The following NTRK3 variants were observed in gnomAD, a reference collection of about 807,000 sequenced individuals.
The protein encoded by NTRK3 is NT-3 growth factor receptor.
Under a neutral mutation model 91.7 loss-of-function variants are expected in NTRK3, and 24 were observed. That is an observed-to-expected ratio of 0.26 (90% CI 0.19 to 0.37). NTRK3 has a LOEUF of 0.37. Ranked by LOEUF, NTRK3 falls within the 10% of genes least tolerant of loss-of-function variation. The pLI is 1.00. For synonymous variants in NTRK3, 483 were observed against 404.0 expected, an observed-to-expected ratio of 1.20 and a Z score of -2.34; for missense variants, 880 against 1,068.9, an observed-to-expected ratio of 0.82 and a Z score of 2.46.
intron 17 of NTRK3, among the ~76,000 whole-genome samples, chr15:87,892,964 T>C (rs867474174): frequency 3.3e-5 from 5 of 152,252 alleles, no homozygotes; most frequent in African/African-American, 1.2e-4. Flanking sequence ...AAAGGAATGA[T>C]GTATTTTTAA....
At chr15:87,896,963 C>A (rs147394537) in intron 17 of NTRK3, among the ~76,000 whole-genome samples, 1 of 152,308 alleles carries the variant, frequency 6.6e-6, no homozygotes, top group Non-Finnish European at 1.5e-5. Context: ...AGGGAAAATG[C>A]AGCGAAAACT....
At chr15:87,892,087 C>CACACACAG (rs1371948888) in intron 17 of NTRK3, among the ~76,000 whole-genome samples, 1 of 149,790 alleles carries the variant, frequency 6.7e-6, no homozygotes, top group Non-Finnish European at 1.5e-5. Context: ...ATCCCCAACA[C>CACACACAG]ACACACACAC....
intron 15 of NTRK3, among the ~76,000 whole-genome samples, chr15:87,937,797 C>T (rs1212403301): frequency 6.6e-6 from 1 of 151,844 alleles, no homozygotes; most frequent in African/African-American, 2.4e-5. Context: ...ATTAAGGTAA[C>T]AAAATTAAGA....
chr15:87,899,271 A>T (rs935689336), intron 17 of NTRK3, among the ~76,000 whole-genome samples: 2 of 152,176 alleles, frequency 1.3e-5, no homozygotes, highest in Non-Finnish European at 2.9e-5. Context: ...AGTAATTTTC[A>T]AGTGTCTTGG....
At chr15:88,079,261 G>T (rs772991762) in intron 13 of NTRK3, among the ~76,000 whole-genome samples, 1 of 152,190 alleles carries the variant, frequency 6.6e-6, no homozygotes, top group Middle Eastern at 3.2e-3. Context: ...CATCAAAGAC[G>T]ATCAGCGTTT....
At chr15:87,906,333 A>G (rs1183833330) in intron 17 of NTRK3, among the ~76,000 whole-genome samples, 1 of 152,202 alleles carries the variant, frequency 6.6e-6, no homozygotes, top group Non-Finnish European at 1.5e-5. Context: ...CCGTTACCCC[A>G]CAGAAAGGCA....
intron 5 of NTRK3, among the ~76,000 whole-genome samples, chr15:88,176,907 A>G (rs975539766): frequency 1.3e-5 from 2 of 152,202 alleles, no homozygotes; most frequent in Admixed American, 6.5e-5. Context: ...AATGTGATCT[A>G]TTTGTAAGGA....
intron 13 of NTRK3, among the ~76,000 whole-genome samples, chr15:88,115,819 G>A (rs931688651): frequency 3.9e-5 from 6 of 152,182 alleles, no homozygotes; most frequent in Admixed American, 6.5e-5. Context: ...TGAGGCCGGC[G>A]GGCAGCCCGG....
intron 3 of NTRK3, among the ~76,000 whole-genome samples, chr15:88,218,575 A>G (rs2049985117): frequency 6.6e-6 from 1 of 152,226 alleles, no homozygotes; most frequent in African/African-American, 2.4e-5. Context: ...GGACGTGATG[A>G]TTCTGAGTTT....
chr15:87,987,309 A>T (rs897906849), intron 14 of NTRK3, among the ~76,000 whole-genome samples: 4 of 152,148 alleles, frequency 2.6e-5, no homozygotes, highest in Non-Finnish European at 4.4e-5. Context: ...CCCATATCAG[A>T]TATTTTTTCT....
At chr15:87,960,790 C>T (rs758242309) in intron 14 of NTRK3, among the ~76,000 whole-genome samples, 1 of 152,124 alleles carries the variant, frequency 6.6e-6, no homozygotes, top group African/African-American at 2.4e-5. Context: ...TGGCCTCCCC[C>T]ATCCTAATCA....
In NTRK3 at chr15:87,982,651, G is replaced by A. The variant is rs146054264; in HGVS notation, c.1586-41898C>T. 1.7e-3 allele frequency among the ~76,000 whole-genome samples: 259 copies of A among 152,306 alleles called. 1 individual carries two copies. The highest frequency in any genetic ancestry group is 6.0e-3 in the African/African-American group (250 of 41,582). On this transcript the variant is annotated intron_variant, in intron 14 of 18. Transcript: ENST00000394480. ...ACTGTAAATGGAGCTTAGGGGAGAA[G>A]GGGCATTGAGCACCCATACGATTGG...
intron 13 of NTRK3, among the ~76,000 whole-genome samples, chr15:88,103,756 T>A (rs893041179): frequency 1.3e-5 from 2 of 152,088 alleles, no homozygotes; most frequent in Non-Finnish European, 2.9e-5. Context: ...TTAAGGCATA[T>A]GGAAACCCCT....
Position 88,225,794 on chromosome 15 carries a change from G to A in NTRK3, c.248+30112C>T, listed in dbSNP as rs115482754. On this transcript the variant is annotated intron_variant, in intron 3 of 18. Transcript: ENST00000394480. ...GACAGCCCCGTACACCACACCTCAC[G>A]GCAGGCAGGAGGAGGGATGGGAGGA... Among the ~76,000 whole-genome samples, 312 of 152,264 alleles carry A rather than the reference G, an allele frequency of 2.0e-3. 1 individual carries two copies. The highest frequency in any genetic ancestry group is 7.1e-3 in the African/African-American group (295 of 41,550).
intron 14 of NTRK3, among the ~76,000 whole-genome samples, chr15:87,960,918 C>T (rs1286534069): frequency 6.6e-6 from 1 of 152,184 alleles, no homozygotes; most frequent in African/African-American, 2.4e-5. Context: ...CCAATCATTT[C>T]TCAAGCCTCA....
intron 17 of NTRK3, among the ~76,000 whole-genome samples, chr15:87,905,402 C>T (rs1426780207): frequency 1.1e-4 from 17 of 152,140 alleles, no homozygotes; most frequent in Non-Finnish European, 1.6e-4. Context: ...TTGCTTGAAA[C>T]ATAACCTTAT....
Position 88,255,795 on chromosome 15 carries a change from G to A in NTRK3, c.248+111C>T, listed in dbSNP as rs1040564863. ...GAGCCTGACGCGCGCCCAGCGGGCG[G>A]CGGGCAGCGGCGAGCTGGGGCGGGC... On this transcript the variant is annotated intron_variant, in intron 3 of 18. Transcript: ENST00000394480. This position sits in a 1 kb window ranked among gnomAD's most constrained non-coding sequence, Gnocchi z 4.3. 2.2e-6 allele frequency: 2 copies of A among 895,250 alleles called. No homozygotes were observed. The highest frequency in any genetic ancestry group is 3.0e-6 in the Non-Finnish European group (2 of 662,444). The allele number at this position is 895,250 out of a possible 1,614,324, so 55.5% of individuals were successfully genotyped here.
chr15:87,902,862 C>T (rs2066534852), intron 17 of NTRK3, among the ~76,000 whole-genome samples: 1 of 152,050 alleles, frequency 6.6e-6, no homozygotes, highest in South Asian at 2.1e-4. Flanking sequence ...ACCGACATGC[C>T]CAGCTAGGAT....
chr15:88,139,753 G>A (rs2042205507), intron 6 of NTRK3, among the ~76,000 whole-genome samples: 1 of 152,134 alleles, frequency 6.6e-6, no homozygotes, highest in South Asian at 2.1e-4. Context: ...TGGCTGGTGT[G>A]CAAGACAGCA....
Sources: gnomAD v4.1 joint callset for allele counts (sites outside exome capture counted in the v4.1 genomes callset) on GRCh38, gnomAD v4.1.1 for gene constraint, Gnocchi (gnomAD v3.1) non-coding constraint, MANE v1.5 for transcripts, NCBI Gene and HGNC (gene_info 2026-07-23, HGNC 2026-07-21) for gene names.